NCKAP1L: variants seen among roughly 807,000 people sequenced by gnomAD.
NCKAP1L encodes NCK associated protein 1 like.
In NCKAP1L, 53 loss-of-function variants were observed where a neutral mutation model predicts 139.2. That is an observed-to-expected ratio of 0.38 (90% CI 0.31 to 0.48). The LOEUF (loss-of-function observed/expected upper bound fraction) is 0.48. Ranked by LOEUF, NCKAP1L falls within the 20% of genes least tolerant of loss-of-function variation. NCKAP1L has a pLI of 0.98. For missense variants in NCKAP1L, 1,151 were observed against 1,381.9 expected, an observed-to-expected ratio of 0.83 and a Z score of 2.65; for synonymous variants, 468 against 499.7, an observed-to-expected ratio of 0.94 and a Z score of 0.85.
At chr12:54,529,181 A>G (rs929352252) in intron 22 of NCKAP1L, among the ~76,000 whole-genome samples, 2 of 152,194 alleles carry the variant, frequency 1.3e-5, no homozygotes, top group African/African-American at 2.4e-5. Flanking sequence ...CCACACATTC[A>G]TAAATAGTAG....
intron 21 of NCKAP1L, among the ~76,000 whole-genome samples, 174 bp from the exon 22 acceptor site, chr12:54,528,073 T>C (rs1957040647): frequency 6.6e-6 from 1 of 152,208 alleles, no homozygotes; most frequent in African/African-American, 2.4e-5. Flanking sequence ...CAGTTGTTTT[T>C]GATCCATCAG....
chr12:54,500,597 A>G lies in NCKAP1L; in HGVS notation c.278A>G (p.Gln93Arg). 1 of 1,613,254 alleles carries G rather than the reference A, an allele frequency of 6.2e-7. No homozygotes were observed. The highest frequency in any genetic ancestry group is 8.5e-7 in the Non-Finnish European group (1 of 1,179,192). ...EIIRFLTNYYQSFVDVMEFRD... is the reference protein window; with the variant it reads ...EIIRFLTNYYRSFVDVMEFRD... ...ATTAGATTCCTCACCAACTACTACC[A>G]GTCATTTGTGGATGTCATGGAATTT... The change falls in exon 3 of 31, where the codon CAG becomes CGG. Residue 93 changes from glutamine (Q) to arginine (R), a missense_variant. Coordinates refer to ENST00000293373, the MANE Select transcript of NCKAP1L (RefSeq NM_005337.5).
At chr12:54,519,875 A>ATTT (rs79806874) in intron 16 of NCKAP1L, among the ~76,000 whole-genome samples, 1 of 137,398 alleles carries the variant, frequency 7.3e-6, no homozygotes, top group African/African-American at 2.7e-5. Flanking sequence ...ACGTCTTCAG[A>ATTT]TTTTTTTTTT....
In NCKAP1L at chr12:54,517,524, C is replaced by A. The variant is rs375011374; in HGVS notation, c.1096-9C>A. On this transcript the variant is annotated splice_polypyrimidine_tract_variant and intron_variant, in intron 11 of 30. Transcript: ENST00000293373. ...TTGAAAATTCTAATAGTCTCTACCC[C>A]CTCCATAGGCTCTTTTTGCTTTCAT... is the stretch of plus-strand genomic sequence containing the variant. 22 of 1,597,792 alleles carry A rather than the reference C, an allele frequency of 1.4e-5. No individual in the cohort carries two copies. In the African/African-American group the frequency reaches 2.7e-4, roughly 19 times the overall value.
chr12:54,502,351 A>G lies in NCKAP1L; in HGVS notation c.306+1726A>G, dbSNP rs559402135. On this transcript the variant is annotated intron_variant, in intron 3 of 30. Coordinates refer to ENST00000293373, the MANE Select transcript of NCKAP1L (RefSeq NM_005337.5). ...GGGAAGCTCAACCTGTATAAACTAT[A>G]TATCTTTGCATTATTTGAGCTTTAA... Among the ~76,000 whole-genome samples the G allele has an allele frequency of 5.4e-4, 83 of 152,310 alleles. 1 individual carries two copies. In the South Asian group the frequency reaches 0.017, roughly 30 times the overall value.
In NCKAP1L at chr12:54,541,469, C is replaced by T. The variant is rs552062083; in HGVS notation, c.3274-1106C>T. 5.9e-5 allele frequency among the ~76,000 whole-genome samples: 9 copies of T among 152,290 alleles called. No individual in the cohort carries two copies. The South Asian group carries it at 1.9e-3, about 32-fold the overall frequency. The stretch of plus-strand genomic sequence containing the variant: ...TAGCACCTTGGAGAAGACAGCTCAT[C>T]TCTTTCCCAGCTGAGGGCTTGAAAG... On this transcript the variant is annotated intron_variant, in intron 30 of 30. Coordinates refer to ENST00000293373, the MANE Select transcript of NCKAP1L (RefSeq NM_005337.5).
Position 54,509,877 on chromosome 12 carries a change from T to G in NCKAP1L, c.627T>G (p.His209Gln). ...KAVSGALLSL[H>Q]FLFVRRNQGA... ...TGAGTGGAGCCCTCCTCTCTTTGCATTTCCTCTTTGTCCGAAGAAACCAGG... is the reference window on the plus strand; with the variant it reads ...TGAGTGGAGCCCTCCTCTCTTTGCAGTTCCTCTTTGTCCGAAGAAACCAGG... Residue 209 changes from histidine (H) to glutamine (Q), a missense_variant, in exon 7 of 31, where the codon CAT (histidine) becomes CAG (glutamine). Coordinates refer to ENST00000293373, the MANE Select transcript of NCKAP1L (RefSeq NM_005337.5). 1 of 1,614,234 alleles carries G rather than the reference T, an allele frequency of 6.2e-7. No homozygotes were observed. The highest frequency in any genetic ancestry group is 8.5e-7 in the Non-Finnish European group (1 of 1,180,040).
chr12:54,505,050 G>A (rs1956829055), intron 3 of NCKAP1L, among the ~76,000 whole-genome samples: 1 of 152,192 alleles, frequency 6.6e-6, no homozygotes, highest in Non-Finnish European at 1.5e-5. Flanking sequence ...TAGCATACAG[G>A]GAAAATCAAA....
At chr12:54,498,918 T>TATTTATTTA (rs1252199813) in intron 1 of NCKAP1L, 1 of 290,216 alleles carries the variant, frequency 3.4e-6, no homozygotes, top group African/African-American at 2.4e-5. Flanking sequence ...TTTTTATATT[T>TATTTATTTA]ATTTATTTAT....
chr12:54,502,989 A>G (rs951595623), intron 3 of NCKAP1L, among the ~76,000 whole-genome samples: 3 of 150,554 alleles, frequency 2.0e-5, no homozygotes, highest in African/African-American at 4.9e-5. Flanking sequence ...TGGGTGACAC[A>G]GTGAGACTTT....
At chr12:54,505,969 C>G (rs1956836864) in intron 3 of NCKAP1L, among the ~76,000 whole-genome samples, 1 of 152,170 alleles carries the variant, frequency 6.6e-6, no homozygotes, top group East Asian at 1.9e-4. Context: ...GCCTCAGTCC[C>G]CCTTTTTGCT....
At chr12:54,511,708 A>G in intron 7 of NCKAP1L, 95 bp from the exon 8 acceptor site, 1 of 1,420,430 alleles carries the variant, frequency 7.0e-7, no homozygotes, top group Non-Finnish European at 9.7e-7. Flanking sequence ...CCCCTTGCCA[A>G]AAGTTAGTTT....
chr12:54,528,199 G>C, intron 21 of NCKAP1L, 48 bp from the exon 22 acceptor site: 1 of 1,598,844 alleles, frequency 6.3e-7, no homozygotes, highest in African/African-American at 1.3e-5. Flanking sequence ...ATGCTGGTAG[G>C]GAGAAGGGAT....
At chr12:54,534,977 C>CAT (rs1267894814) in intron 26 of NCKAP1L, 127 bp from the exon 27 acceptor site, 2 of 613,088 alleles carry the variant, frequency 3.3e-6, no homozygotes, top group Admixed American at 3.3e-5. Flanking sequence ...TCTTTCTCTA[C>CAT]ATATATATAA....
In NCKAP1L at chr12:54,502,086, T is replaced by G. The variant is rs1249389; in HGVS notation, c.306+1461T>G. ...TTTGACCATTTTTGAATTGGATTTTTTGTGTGTGTTGAGACTTAGGAGTTC... is the reference window on the plus strand; with the variant it reads ...TTTGACCATTTTTGAATTGGATTTTGTGTGTGTGTTGAGACTTAGGAGTTC... On this transcript the variant is annotated intron_variant, in intron 3 of 30. Coordinates refer to ENST00000293373, the MANE Select transcript of NCKAP1L (RefSeq NM_005337.5). Among the ~76,000 whole-genome samples, 341 of 152,314 alleles carry G rather than the reference T, an allele frequency of 2.2e-3. 1 individual carries two copies. Among genetic ancestry groups the G allele is most frequent in the African/African-American group, 7.7e-3 (320 of 41,542 alleles).
At chr12:54,506,758 G>A (rs111627081) in intron 3 of NCKAP1L, among the ~76,000 whole-genome samples, 3,190 of 122,042 alleles carry the variant, frequency 0.026, 143 homozygotes, top group African/African-American at 0.096. Flanking sequence ...GGTATTAAGT[G>A]CCTGTTCAAA....
rs769346663 is a variant in NCKAP1L at position 54,528,404 on chromosome 12, C to A, written c.2506+27C>A. ...TGAGCTCAGGGCCTGGTCTTCTTGTCAAGGAGCTGAGCCCTTCCTTCAATG... is the reference window on the plus strand; with the variant it reads ...TGAGCTCAGGGCCTGGTCTTCTTGTAAAGGAGCTGAGCCCTTCCTTCAATG... On this transcript the variant is annotated intron_variant, in intron 22 of 30. Transcript: ENST00000293373. 2.5e-6 allele frequency: 4 copies of A among 1,610,100 alleles called. No homozygotes were observed. The South Asian group carries it at 4.4e-5, about 18-fold the overall frequency.
rs1445748209 is a variant in NCKAP1L at position 54,531,843 on chromosome 12, G to A, written c.2781+18G>A. 6.3e-7 allele frequency: 1 copy of A among 1,588,126 alleles called. No individual in the cohort carries two copies. Among genetic ancestry groups the A allele is most frequent in the Admixed American group, 1.7e-5 (1 of 59,792 alleles). ...TTCGGGAGGTGAGTTGGTGGGGAGG[G>A]GTCTGTCACAGAGTCACAGATACCT... On this transcript the variant is annotated intron_variant, in intron 25 of 30. Coordinates refer to ENST00000293373, the MANE Select transcript of NCKAP1L (RefSeq NM_005337.5).
At chr12:54,526,864 G>T in intron 21 of NCKAP1L, 118 bp downstream of exon 21, 1 of 775,830 alleles carries the variant, frequency 1.3e-6, no homozygotes, top group Non-Finnish European at 2.1e-6. Context: ...CCAAAATGGA[G>T]GGTTGCTTCT....
Sources: gnomAD v4.1 joint callset for allele counts (sites outside exome capture counted in the v4.1 genomes callset) on GRCh38, gnomAD v4.1.1 for gene constraint, MANE v1.5 for transcripts, NCBI Gene and HGNC (gene_info 2026-07-23, HGNC 2026-07-21) for gene names.